DLC1: variants seen among roughly 807,000 people sequenced by gnomAD.
The protein encoded by DLC1 is rho GTPase-activating protein 7.
In DLC1, 54 loss-of-function variants were observed where a neutral mutation model predicts 140.3. The observed-to-expected ratio is 0.38, with a 90% CI of 0.31 to 0.48. The LOEUF (loss-of-function observed/expected upper bound fraction) is 0.48, where lower values mean the gene tolerates loss of function less well. DLC1 is among the 20% of genes least tolerant of loss of function. The pLI, the probability that DLC1 is intolerant of heterozygous loss-of-function variation, is 0.96. For missense variants in DLC1, 2,536 were observed against 1,907.0 expected (o/e 1.33, Z -6.14); for synonymous variants, 986 against 728.1 (o/e 1.35, Z -5.70).
intron 1 of DLC1, among the ~76,000 whole-genome samples, chr8:13,590,432 A>C (rs543499850): frequency 6.6e-6 from 1 of 152,080 alleles, no homozygotes; most frequent in South Asian, 2.1e-4. Flanking sequence ...CAATATTCTC[A>C]TAATTACAGT....
In DLC1 at chr8:13,579,421, A is replaced by G. The variant is rs191812797; in HGVS notation, c.-126+25116T>C. Among the ~76,000 whole-genome samples, 130 of 30,018 alleles carry G rather than the reference A, an allele frequency of 4.3e-3. 10 individuals are homozygous for G. Among genetic ancestry groups the G allele is most frequent in the East Asian group, 0.015 (13 of 886 alleles). 19.7% of individuals were successfully genotyped at this position (30,018 alleles called of 152,430 possible). A position where few individuals can be genotyped will look rare whatever the true frequency, so the allele number is the denominator to read the frequency against. ...ATATATTTAATATATTATATTTTAT[A>G]TTATATATTTAATACATTATATTTT... On this transcript the variant is annotated intron_variant, in intron 1 of 1. Coordinates refer to the DLC1 transcript ENST00000631382.
intron 11 of DLC1, 56 bp from the exon 12 acceptor site, chr8:13,095,013 A>T (rs889290562): frequency 1.9e-6 from 3 of 1,613,708 alleles, no homozygotes; most frequent in Non-Finnish European, 2.5e-6. Flanking sequence ...CAGTGTTTAC[A>T]CCACACAACT....
intron 4 of DLC1, among the ~76,000 whole-genome samples, chr8:13,357,090 A>G (rs928446403): frequency 1.1e-4 from 17 of 152,122 alleles, no homozygotes; most frequent in African/African-American, 3.9e-4. Flanking sequence ...CCCATATAAC[A>G]AAACCCCATT....
At chr8:13,269,797 C>T (rs1372906388) in intron 5 of DLC1, among the ~76,000 whole-genome samples, 2 of 150,824 alleles carry the variant, frequency 1.3e-5, no homozygotes, top group Admixed American at 1.3e-4. Flanking sequence ...GTGGCCCGTG[C>T]CTGTAATCCC....
intron 5 of DLC1, chr8:13,132,909 G>C (rs746540416): frequency 2.5e-6 from 4 of 1,574,364 alleles, no homozygotes; most frequent in Non-Finnish European, 3.4e-6. Flanking sequence ...CCGCTCCCGC[G>C]GCCAGCCCGA....
At position 13,225,253 on chromosome 8, in the gene DLC1, G is replaced by A. The variant is rs1320964866; in HGVS notation, c.1348+80016C>T. On this transcript the variant is annotated intron_variant, in intron 5 of 17. Transcript: ENST00000276297. Reference sequence around the variant, plus strand: ...CAAGTTTCCGTGGGATTGCTGAAGTGGCCCCAAAACACTTTCAAAAGGCTT... The same window carrying A: ...CAAGTTTCCGTGGGATTGCTGAAGTAGCCCCAAAACACTTTCAAAAGGCTT... Among the ~76,000 whole-genome samples the A allele has an allele frequency of 2.0e-5, 3 of 152,134 alleles. 1 individual carries two copies. The highest frequency in any genetic ancestry group is 4.1e-4 in the South Asian group (2 of 4,830).
At chr8:13,352,971 C>G (rs1289655598) in intron 4 of DLC1, among the ~76,000 whole-genome samples, 1 of 152,130 alleles carries the variant, frequency 6.6e-6, no homozygotes, top group Non-Finnish European at 1.5e-5. Flanking sequence ...TAGTAAAACA[C>G]TAACAAGCAA....
intron 1 of DLC1, among the ~76,000 whole-genome samples, chr8:13,595,261 A>C (rs1346576196): frequency 2.0e-5 from 3 of 152,084 alleles, no homozygotes; most frequent in Non-Finnish European, 2.9e-5. Context: ...TTAGAAAGAC[A>C]GTAGTGTTTC....
intron 4 of DLC1, among the ~76,000 whole-genome samples, chr8:13,390,953 C>G (rs1836727725): frequency 1.3e-5 from 2 of 148,328 alleles, no homozygotes; most frequent in African/African-American, 5.0e-5. Flanking sequence ...CCACTGCACT[C>G]CAGCCTGGGC....
intron 5 of DLC1, among the ~76,000 whole-genome samples, chr8:13,179,566 T>C (rs1825929117): frequency 6.6e-6 from 1 of 151,728 alleles, no homozygotes; most frequent in Non-Finnish European, 1.5e-5. Context: ...ACAAAAAATA[T>C]AGAAATTAGC....
intron 17 of DLC1, 173 bp downstream of exon 17, chr8:13,086,117 G>T: frequency 7.6e-7 from 1 of 1,319,960 alleles, no homozygotes; most frequent in Non-Finnish European, 1.0e-6. Context: ...ACCAAATTAC[G>T]AAGTGGTCGC....
intron 3 of DLC1, among the ~76,000 whole-genome samples, chr8:13,399,136 C>A (rs1036928620): frequency 6.6e-6 from 1 of 152,052 alleles, no homozygotes. Flanking sequence ...CCCAAGAGAC[C>A]GTCAACTTTC....
At chr8:13,218,446 C>T (rs1164391686) in intron 5 of DLC1, among the ~76,000 whole-genome samples, 3 of 151,828 alleles carry the variant, frequency 2.0e-5, no homozygotes, top group African/African-American at 2.4e-5. Flanking sequence ...AAGAGACAAC[C>T]CAAATAATAA....
chr8:13,232,391 T>C (rs1829088993), intron 5 of DLC1, among the ~76,000 whole-genome samples: 1 of 152,082 alleles, frequency 6.6e-6, no homozygotes, highest in Non-Finnish European at 1.5e-5. Flanking sequence ...TGGTGTGCAG[T>C]GGTGTGATCT....
intron 2 of DLC1, among the ~76,000 whole-genome samples, chr8:13,468,221 AT>A (rs1800030652): frequency 6.6e-6 from 1 of 152,094 alleles, no homozygotes; most frequent in African/African-American, 2.4e-5. Context: ...TTTCATTTAA[AT>A]TTTCAAATTT....
chr8:13,525,344 C>G (rs1191225796), intron 1 of DLC1, among the ~76,000 whole-genome samples: 2 of 152,116 alleles, frequency 1.3e-5, no homozygotes, highest in Non-Finnish European at 2.9e-5. Flanking sequence ...CTTTAATTTC[C>G]TTGTGTAAAT....
At chr8:13,598,342 C>T (rs1298142849) in intron 1 of DLC1, among the ~76,000 whole-genome samples, 1 of 151,428 alleles carries the variant, frequency 6.6e-6, no homozygotes, top group Non-Finnish European at 1.5e-5. Flanking sequence ...AGGGAGGAAA[C>T]ACAACAAGGG....
At chr8:13,186,854 T>C (rs1275983143) in intron 5 of DLC1, among the ~76,000 whole-genome samples, 1 of 152,248 alleles carries the variant, frequency 6.6e-6, no homozygotes, top group East Asian at 1.9e-4. Context: ...GAACTTTTTG[T>C]TGATGTTGAT....
chr8:13,289,831 C>G (rs1305025911), intron 5 of DLC1, among the ~76,000 whole-genome samples: 2 of 152,150 alleles, frequency 1.3e-5, no homozygotes, highest in Non-Finnish European at 2.9e-5. Context: ...GCCCCATTCT[C>G]TTTTTGTCTC....
Sources: allele counts gnomAD v4.1 joint callset (sites outside exome capture counted in the v4.1 genomes callset), GRCh38; gene constraint gnomAD v4.1.1; transcripts MANE v1.5; gene names NCBI Gene and HGNC (gene_info 2026-07-23, HGNC 2026-07-21).